FOXJ3: variants seen among roughly 807,000 people sequenced by gnomAD.
FOXJ3 encodes forkhead box J3.
FOXJ3 carries 22 observed loss-of-function variants against 76.1 expected under a neutral mutation model. The observed-to-expected ratio is 0.29, with a 90% confidence interval of 0.21 to 0.41. FOXJ3 has a LOEUF of 0.41. Ranked by LOEUF, FOXJ3 falls within the 10% of genes least tolerant of loss-of-function variation. The probability of loss-of-function intolerance (pLI) is 1.00; values close to 1 mark genes in which losing one functional copy is unlikely to be tolerated. For synonymous variants in FOXJ3, 269 were observed against 261.2 expected (o/e 1.03, Z -0.29); for missense variants, 613 against 762.1 (o/e 0.80, Z 2.30).
At chr1:42,245,924 C>T (rs537627076) in intron 4 of FOXJ3, among the ~76,000 whole-genome samples, 64 of 152,170 alleles carry the variant, frequency 4.2e-4, no homozygotes, top group Non-Finnish European at 6.6e-4. Flanking sequence ...CCTAAAGACT[C>T]CCCCAAAAAA....
At chr1:42,264,454 C>A (rs1280740623) in intron 4 of FOXJ3, among the ~76,000 whole-genome samples, 2 of 152,064 alleles carry the variant, frequency 1.3e-5, no homozygotes, top group Non-Finnish European at 2.9e-5. Context: ...AGTCTAGCCA[C>A]CTAAACAAGC....
chr1:42,255,129 C>T (rs866505089), intron 4 of FOXJ3, among the ~76,000 whole-genome samples: 42 of 152,052 alleles, frequency 2.8e-4, no homozygotes, highest in Admixed American at 6.5e-4. Context: ...AATCCTAAGA[C>T]GGGATTTACG....
chr1:42,240,523 T>C (rs935196347), intron 4 of FOXJ3, among the ~76,000 whole-genome samples: 1 of 152,218 alleles, frequency 6.6e-6, no homozygotes, highest in Non-Finnish European at 1.5e-5. Context: ...TACAGATCAA[T>C]GGAACTGATC....
rs757684131 is a variant in FOXJ3, at chr1:42,278,423, T to A, written c.294A>T (p.Lys98Asn). The A allele has an allele frequency of 1.2e-6, 2 of 1,614,070 alleles. No individual in the cohort carries two copies. Among genetic ancestry groups the A allele is most frequent in the Non-Finnish European group, 1.7e-6 (2 of 1,179,912 alleles). Residue 98 changes from lysine to asparagine, a missense_variant, in exon 3 of 13, where the codon AAA becomes AAT. Lys to Asn is a moderately conservative substitution (Grantham distance 94, BLOSUM62 0). This residue lies in a region of FOXJ3 where 77 missense variants were observed against 115.1 expected (regional missense o/e 0.67). Coordinates refer to ENST00000361346, the MANE Select transcript of FOXJ3 (RefSeq NM_014947.5). The stretch of plus-strand genomic sequence containing the variant: ...ACTGATAAATTTCACTTAAAGTCAT[T>A]TTCTTTTTGGGTGAGCTATTAATTG... ...TFAINSSPKKKMTLSEIYQWI... is the reference protein window; with the variant it reads ...TFAINSSPKKNMTLSEIYQWI...
chr1:42,186,165 G>A (rs1646430807), intron 11 of FOXJ3, among the ~76,000 whole-genome samples: 1 of 152,144 alleles, frequency 6.6e-6, no homozygotes, highest in Admixed American at 6.5e-5. Flanking sequence ...GTGATACACA[G>A]GGATGTAAGA....
intron 1 of FOXJ3, among the ~76,000 whole-genome samples, chr1:42,313,064 G>GTGGCTCATACCTGTAATCC (rs1252073128): frequency 2.6e-5 from 4 of 152,314 alleles, no homozygotes; most frequent in South Asian, 2.1e-4. Flanking sequence ...GCTGGGCGCA[G>GTGGCTCATACCTGTAATCC]TGGCTCATAC....
Position 42,227,899 on chromosome 1 carries a change from G to A in FOXJ3, c.512C>T (p.Ala171Val). ...AGCCTTTACCCGTTCTACAGATCGT[G>A]CCCTCTTCTTTGGCCGAGTAGGCAG... is the stretch of plus-strand genomic sequence containing the variant. ...DVLPTRPKKR[A>V]RSVERASTPY... The change falls in exon 5 of 13, where the codon GCA becomes GTA. Residue 171 changes from alanine to valine, a missense_variant. Physicochemically the swap from Ala to Val is moderately conservative, Grantham distance 64 (BLOSUM62 0). Coordinates refer to ENST00000361346, the MANE Select transcript of FOXJ3 (RefSeq NM_014947.5). 1.3e-6 allele frequency: 2 copies of A among 1,573,738 alleles called. No individual in the cohort carries two copies. The highest frequency in any genetic ancestry group is 1.7e-6 in the Non-Finnish European group (2 of 1,150,926).
intron 2 of FOXJ3, among the ~76,000 whole-genome samples, chr1:42,281,493 T>G (rs1029228641): frequency 6.6e-6 from 1 of 152,150 alleles, no homozygotes; most frequent in Non-Finnish European, 1.5e-5. Flanking sequence ...AGCCATCATG[T>G]GTAAAAATTA....
At chr1:42,237,610 G>C (rs556817549) in intron 4 of FOXJ3, among the ~76,000 whole-genome samples, 1 of 151,076 alleles carries the variant, frequency 6.6e-6, no homozygotes, top group African/African-American at 2.4e-5. Flanking sequence ...ACCTTGTAAG[G>C]AGCAAAAAGC....
intron 2 of FOXJ3, among the ~76,000 whole-genome samples, chr1:42,278,900 T>C (rs1016964341): frequency 3.3e-5 from 5 of 152,312 alleles, no homozygotes; most frequent in South Asian, 2.1e-4. Flanking sequence ...GGTTTTAAAA[T>C]TGTTTAAAAT....
At chr1:42,207,279 A>T (rs750869936) in intron 5 of FOXJ3, among the ~76,000 whole-genome samples, 4 of 152,202 alleles carry the variant, frequency 2.6e-5, no homozygotes, top group Non-Finnish European at 2.9e-5. Context: ...GAGTGAGAAT[A>T]CGCAATATTT....
At chr1:42,307,182 G>A (rs1654521878) in intron 2 of FOXJ3, among the ~76,000 whole-genome samples, 1 of 152,192 alleles carries the variant, frequency 6.6e-6, no homozygotes, top group South Asian at 2.1e-4. Flanking sequence ...CCTTCCAACA[G>A]CAACAAGTGA....
chr1:42,182,881 C>T (rs1301651955), intron 11 of FOXJ3, among the ~76,000 whole-genome samples: 2 of 152,104 alleles, frequency 1.3e-5, no homozygotes, highest in Non-Finnish European at 2.9e-5. Flanking sequence ...CTATGTGTAA[C>T]CATGTGTGCC....
intron 4 of FOXJ3, among the ~76,000 whole-genome samples, chr1:42,236,421 TC>T (rs1353159417): frequency 4.6e-5 from 7 of 152,172 alleles, no homozygotes; most frequent in African/African-American, 1.7e-4. Flanking sequence ...ATCTTGAACT[TC>T]CGGCCTCTAA....
chr1:42,321,380 G>C (rs1327400429), intron 1 of FOXJ3, among the ~76,000 whole-genome samples: 3 of 152,036 alleles, frequency 2.0e-5, no homozygotes, highest in African/African-American at 7.2e-5. Context: ...ATGAGCAATT[G>C]GTAACATGAA....
At position 42,208,884 on chromosome 1, in the gene FOXJ3, C is replaced by A. The variant is rs1488755463; in HGVS notation, c.529-3021G>T. The stretch of plus-strand genomic sequence containing the variant: ...ACTTACACATTAAGCCACACATGAG[C>A]AAAAGCATCTATTTTATAATAAAGT... On this transcript the variant is annotated intron_variant, in intron 5 of 12. Coordinates refer to ENST00000361346, the MANE Select transcript of FOXJ3 (RefSeq NM_014947.5). Among the ~76,000 whole-genome samples, 5 of 152,250 alleles carry A rather than the reference C, an allele frequency of 3.3e-5. No individual in the cohort carries two copies. The South Asian group carries it at 6.2e-4, about 19-fold the overall frequency.
chr1:42,208,737 T>A (rs1646908029), intron 5 of FOXJ3, among the ~76,000 whole-genome samples: 1 of 152,188 alleles, frequency 6.6e-6, no homozygotes, highest in Admixed American at 6.5e-5. Flanking sequence ...CGACTTATGA[T>A]GGGGTTACGT....
intron 3 of FOXJ3, among the ~76,000 whole-genome samples, chr1:42,274,040 T>C (rs1652069848): frequency 6.6e-6 from 1 of 152,172 alleles, no homozygotes; most frequent in Admixed American, 6.5e-5. Context: ...CAATCAATGA[T>C]ACAGACCCAT....
chr1:42,278,399 C>T lies in FOXJ3; in HGVS notation c.318G>A (p.Gln106=). Residue 106 remains glutamine (Q), a synonymous_variant, in exon 3 of 13, where the codon CAG becomes CAA. Transcript: ENST00000361346. The part of the protein sequence containing the change: ...KKKMTLSEIY[Q]WICDNFPYYR... The stretch of plus-strand genomic sequence containing the variant: ...AATATGGGAAGTTATCACAAATCCA[C>T]TGATAAATTTCACTTAAAGTCATTT... 1 of 1,613,938 alleles carries T rather than the reference C, an allele frequency of 6.2e-7. No homozygotes were observed.
Sources: gnomAD v4.1 joint callset for allele counts (sites outside exome capture counted in the v4.1 genomes callset) on GRCh38, gnomAD v4.1.1 for gene constraint, gnomAD v4.1.1 regional missense constraint, MANE v1.5 for transcripts, NCBI Gene and HGNC (gene_info 2026-07-23, HGNC 2026-07-21) for gene names.